Variants in OCA2 observed in about 807,000 individuals in gnomAD.
OCA2 encodes P protein.
OCA2 carries 77 observed loss-of-function variants against 100.2 expected under a neutral mutation model. That is an observed-to-expected ratio of 0.77 (90% CI 0.64 to 0.93). The LOEUF is 0.93. Ranked by LOEUF, OCA2 falls within the 40% of genes least tolerant of loss-of-function variation. The probability of loss-of-function intolerance (pLI) is 0.00; values close to 1 mark genes in which losing one functional copy is unlikely to be tolerated. For synonymous variants in OCA2, 432 were observed against 439.2 expected, an observed-to-expected ratio of 0.98 and a Z score of 0.21; for missense variants, 1,062 against 1,089.1, an observed-to-expected ratio of 0.98 and a Z score of 0.35.
At chr15:28,016,231 G>A (rs1566800296) in intron 7 of OCA2, 45 bp from the exon 8 acceptor site, 1 of 1,451,286 alleles carries the variant, frequency 6.9e-7, no homozygotes, top group Middle Eastern at 1.7e-4. Flanking sequence ...TTTCACCTGA[G>A]ACACCATCTG....
At chr15:27,787,116 C>T (rs1216809461) in intron 23 of OCA2, among the ~76,000 whole-genome samples, 1 of 152,118 alleles carries the variant, frequency 6.6e-6, no homozygotes, top group Admixed American at 6.6e-5. Context: ...TAAAGCAAAT[C>T]TTGCATTACC....
intron 23 of OCA2, among the ~76,000 whole-genome samples, chr15:27,793,937 A>G (rs961093494): frequency 6.6e-6 from 1 of 152,146 alleles, no homozygotes; most frequent in African/African-American, 2.4e-5. Context: ...CACTGCTACA[A>G]TGAGGAGGCC....
At chr15:27,772,658 C>G (rs1032739049) in intron 23 of OCA2, among the ~76,000 whole-genome samples, 1 of 151,910 alleles carries the variant, frequency 6.6e-6, no homozygotes, top group Non-Finnish European at 1.5e-5. Context: ...CTGGCTAACA[C>G]GGTGAAACCC....
chr15:27,880,446 G>T (rs902380968), intron 19 of OCA2, among the ~76,000 whole-genome samples: 1 of 152,156 alleles, frequency 6.6e-6, no homozygotes, highest in Non-Finnish European at 1.5e-5. Context: ...ACTTTGGACA[G>T]TATGGCCATT....
intron 18 of OCA2, among the ~76,000 whole-genome samples, chr15:27,949,493 G>C (rs1294931458): frequency 6.6e-6 from 1 of 151,932 alleles, no homozygotes; most frequent in Non-Finnish European, 1.5e-5. Flanking sequence ...TGAAACTCCA[G>C]CTCTACTAAA....
chr15:27,842,302 G>A (rs75517852), intron 23 of OCA2, among the ~76,000 whole-genome samples: 130 of 152,236 alleles, frequency 8.5e-4, no homozygotes, highest in African/African-American at 3.0e-3. Flanking sequence ...ACCAAATTAC[G>A]ATCAGTGGCT....
chr15:27,928,739 C>T (rs1315708084), intron 18 of OCA2, among the ~76,000 whole-genome samples: 1 of 152,136 alleles, frequency 6.6e-6, no homozygotes, highest in African/African-American at 2.4e-5. Context: ...CAGCAATGTC[C>T]CTCTCACACT....
chr15:27,957,725 G>A lies in OCA2; in HGVS notation c.1647C>T (p.His549=), dbSNP rs555501953. 1.6e-5 allele frequency: 26 copies of A among 1,613,142 alleles called. No homozygotes were observed. Among genetic ancestry groups the A allele is most frequent in the Middle Eastern group, 1.6e-4 (1 of 6,062 alleles). The change falls in exon 16 of 24, where the codon CAC becomes CAT. Residue 549 remains histidine, a synonymous_variant. Transcript: ENST00000354638. This position sits in a 1 kb window ranked among gnomAD's most constrained non-coding sequence, Gnocchi z 4.3. ...CAGTCAGGCGCCAGACGTGAATCTCGTGCTTCAGTTCTGCAGAGAAAGGAA... is the reference window on the plus strand; with the variant it reads ...CAGTCAGGCGCCAGACGTGAATCTCATGCTTCAGTTCTGCAGAGAAAGGAA... ...KEPSEIVELK[H]EIHVWRLTAQ... is the part of the protein sequence containing the mutation.
chr15:27,904,283 G>A (rs1028673253), intron 19 of OCA2, among the ~76,000 whole-genome samples: 6 of 152,310 alleles, frequency 3.9e-5, no homozygotes, highest in Admixed American at 1.3e-4. Flanking sequence ...TCAGGTGGAC[G>A]GGGCAGAAGT....
intron 7 of OCA2, among the ~76,000 whole-genome samples, chr15:28,016,579 G>C (rs1595825908): frequency 6.6e-6 from 1 of 152,202 alleles, no homozygotes; most frequent in East Asian, 1.9e-4. Flanking sequence ...AAGAGTTCAA[G>C]ATCAGCCTGG....
rs762388937 is a variant in OCA2, at chr15:27,851,398, G to T, written c.2322C>A (p.Phe774Leu). 6 of 1,613,890 alleles carry T rather than the reference G, an allele frequency of 3.7e-6. No individual in the cohort carries two copies. Among genetic ancestry groups the T allele is most frequent in the Non-Finnish European group, 5.1e-6 (6 of 1,179,942 alleles). Residue 774 changes from phenylalanine (F) to leucine (L), a missense_variant, in exon 22 of 24, where the codon TTC (phenylalanine) becomes TTA (leucine). Phe to Leu is a conservative substitution (Grantham distance 22, BLOSUM62 0). Coordinates refer to ENST00000354638, the MANE Select transcript of OCA2 (RefSeq NM_000275.3). ...PAPPLMYALA[F>L]GACLGGNGTL... ...GCCCCTTACCTCCCAGGCAAGCACC[G>T]AAGGCCAGGGCATACATGAGCGGCG...
intron 8 of OCA2, among the ~76,000 whole-genome samples, chr15:28,015,811 TC>T (rs1475190221): frequency 6.6e-6 from 1 of 152,156 alleles, no homozygotes; most frequent in Non-Finnish European, 1.5e-5. Context: ...ATCCTAAATT[TC>T]CTAGAATTCT....
chr15:27,771,291 C>A (rs955422387), intron 23 of OCA2, among the ~76,000 whole-genome samples: 2 of 151,864 alleles, frequency 1.3e-5, no homozygotes, highest in Non-Finnish European at 2.9e-5. Context: ...AAGGTCACAG[C>A]GCTACTGCCA....
intron 2 of OCA2, among the ~76,000 whole-genome samples, chr15:28,059,596 TA>T (rs2043809573): frequency 6.6e-6 from 1 of 152,184 alleles, no homozygotes; most frequent in Non-Finnish European, 1.5e-5. Flanking sequence ...AATTTGAGAT[TA>T]ACTAAAAGAT....
At chr15:27,777,719 T>C (rs920102444) in intron 23 of OCA2, among the ~76,000 whole-genome samples, 1 of 152,216 alleles carries the variant, frequency 6.6e-6, no homozygotes, top group Non-Finnish European at 1.5e-5. Context: ...TTGGAGAGTC[T>C]GTAAGCCATG....
intron 18 of OCA2, among the ~76,000 whole-genome samples, chr15:27,946,699 C>T (rs1338327870): frequency 6.6e-6 from 1 of 152,146 alleles, no homozygotes; most frequent in Non-Finnish European, 1.5e-5. Flanking sequence ...TTTTCTCTGC[C>T]GTCCTCCTGC....
intron 14 of OCA2, among the ~76,000 whole-genome samples, chr15:27,970,514 A>ATG (rs2040740022): frequency 6.6e-6 from 1 of 152,160 alleles, no homozygotes; most frequent in Admixed American, 6.5e-5. Context: ...AGGTCCCAGC[A>ATG]CACACAGCAC....
At chr15:27,955,115 G>A in intron 17 of OCA2, 43 bp downstream of exon 17, 2 of 1,379,314 alleles carry the variant, frequency 1.5e-6, no homozygotes, top group Non-Finnish European at 2.1e-6. Flanking sequence ...CTCTCTTCTT[G>A]GAGAAGTGAA....
At chr15:27,911,537 T>C (rs939529103) in intron 19 of OCA2, among the ~76,000 whole-genome samples, 1 of 152,146 alleles carries the variant, frequency 6.6e-6, no homozygotes, top group Non-Finnish European at 1.5e-5. Context: ...CTTCCCCTCA[T>C]AGTGGAAAGC....
Sources: gnomAD v4.1 joint callset for allele counts (sites outside exome capture counted in the v4.1 genomes callset) on GRCh38, gnomAD v4.1.1 for gene constraint, Gnocchi (gnomAD v3.1) non-coding constraint, MANE v1.5 for transcripts, NCBI Gene and HGNC (gene_info 2026-07-23, HGNC 2026-07-21) for gene names.